CNTNAP5: variants seen among roughly 807,000 people sequenced by gnomAD.
CNTNAP5 encodes contactin-associated protein-like 5.
A neutral mutation model predicts 150.2 loss-of-function variants in CNTNAP5; 72 were observed. The observed-to-expected ratio is 0.48, with a 90% CI of 0.40 to 0.58. The LOEUF is 0.58. Among genes scored for constraint, CNTNAP5 ranks in the 20% least tolerant of loss-of-function variants. The pLI is 0.00. For missense variants in CNTNAP5, 1,636 were observed against 1,626.2 expected, an observed-to-expected ratio of 1.01 and a Z score of -0.10; for synonymous variants, 672 against 619.8, an observed-to-expected ratio of 1.08 and a Z score of -1.25.
At chr2:124,280,150 A>ATATATATACATATATATACG (rs1687978095) in intron 3 of CNTNAP5, among the ~76,000 whole-genome samples, 2 of 151,294 alleles carry the variant, frequency 1.3e-5, no homozygotes, top group Non-Finnish European at 2.9e-5. Context: ...TGATTATTTT[A>ATATATATACATATATATACG]TATATATACA....
intron 1 of CNTNAP5, among the ~76,000 whole-genome samples, chr2:124,178,124 G>C (rs1391368360): frequency 1.3e-5 from 2 of 152,156 alleles, no homozygotes; most frequent in Non-Finnish European, 2.9e-5. Context: ...TGGGATTACA[G>C]ACCTGAGCCA....
intron 3 of CNTNAP5, among the ~76,000 whole-genome samples, chr2:124,361,893 C>A (rs1014195201): frequency 2.1e-5 from 3 of 141,712 alleles, no homozygotes; most frequent in African/African-American, 7.5e-5. Flanking sequence ...CAATGGCGGG[C>A]GCCCCTCCCC....
chr2:124,828,035 A>G (rs17012037), intron 19 of CNTNAP5, among the ~76,000 whole-genome samples: 12,206 of 152,212 alleles, frequency 0.08, 1,602 homozygotes, highest in African/African-American at 0.27. Flanking sequence ...CCAGTGTGCC[A>G]TGGACAGGGA....
chr2:124,280,111 C>A (rs1484043666), intron 3 of CNTNAP5, among the ~76,000 whole-genome samples: 3 of 151,828 alleles, frequency 2.0e-5, no homozygotes, highest in African/African-American at 4.8e-5. Context: ...CCTCTTATTT[C>A]TGTTTAAACA....
intron 19 of CNTNAP5, among the ~76,000 whole-genome samples, chr2:124,825,676 GA>G (rs1682578151): frequency 6.6e-6 from 1 of 152,204 alleles, no homozygotes; most frequent in South Asian, 2.1e-4. Context: ...TTAGGGCCTG[GA>G]AGGGGCTGCT....
In CNTNAP5 at chr2:124,639,298, C is replaced by T. The variant is rs568159416; in HGVS notation, c.1877-8460C>T. On this transcript the variant is annotated intron_variant, in intron 12 of 23. Coordinates refer to ENST00000682447, the MANE Select transcript of CNTNAP5 (RefSeq NM_001367498.1). ...CGTTGGAGAGGCCACCAGCATCACACAATCTCATTCATCTTGTGATGAGCT... is the reference window on the plus strand; with the variant it reads ...CGTTGGAGAGGCCACCAGCATCACATAATCTCATTCATCTTGTGATGAGCT... Among the ~76,000 whole-genome samples the T allele has an allele frequency of 1.1e-4, 17 of 152,298 alleles. No homozygotes were observed. The South Asian group carries it at 3.5e-3, about 32-fold the overall frequency.
chr2:124,580,803 TG>T, intron 11 of CNTNAP5, among the ~76,000 whole-genome samples: 1 of 152,248 alleles, frequency 6.6e-6, no homozygotes, highest in African/African-American at 2.4e-5. Context: ...GCATATGGAG[TG>T]ATTTGCATGA....
At chr2:124,598,806 C>T (rs1431132249) in intron 11 of CNTNAP5, among the ~76,000 whole-genome samples, 3 of 152,322 alleles carry the variant, frequency 2.0e-5, no homozygotes, top group Admixed American at 6.5e-5. Context: ...ATTCCGTGGG[C>T]ATAGGACCCT....
chr2:124,659,671 G>A (rs564996223), intron 13 of CNTNAP5, among the ~76,000 whole-genome samples: 14 of 152,036 alleles, frequency 9.2e-5, no homozygotes, highest in African/African-American at 1.9e-4. Flanking sequence ...CTATGCATGC[G>A]TAGTATGGGG....
intron 11 of CNTNAP5, among the ~76,000 whole-genome samples, chr2:124,573,246 T>C (rs1396360029): frequency 1.3e-5 from 2 of 152,240 alleles, no homozygotes; most frequent in Admixed American, 1.3e-4. Flanking sequence ...ATGCAGGGTG[T>C]ATATTCACCT....
At chr2:124,663,277 G>A (rs950752450) in intron 13 of CNTNAP5, among the ~76,000 whole-genome samples, 1 of 152,136 alleles carries the variant, frequency 6.6e-6, no homozygotes, top group African/African-American at 2.4e-5. Context: ...TTAGACATTC[G>A]CTTGAACTGT....
intron 13 of CNTNAP5, 41 bp from the exon 14 acceptor site, chr2:124,747,187 AG>A (rs763137116): frequency 9.7e-5 from 154 of 1,589,772 alleles, no homozygotes; most frequent in Non-Finnish European, 8.7e-5. Context: ...GTGTTACTTC[AG>A]GCTTGCCCTA....
At chr2:124,616,917 T>C (rs910029685) in intron 12 of CNTNAP5, among the ~76,000 whole-genome samples, 4 of 152,134 alleles carry the variant, frequency 2.6e-5, no homozygotes, top group South Asian at 2.1e-4. Context: ...GTGCAGTTCA[T>C]GATGCCCCAA....
chr2:124,041,442 G>A (rs1473747157), intron 1 of CNTNAP5, among the ~76,000 whole-genome samples: 1 of 149,932 alleles, frequency 6.7e-6, no homozygotes, highest in Non-Finnish European at 1.5e-5. Context: ...CCTAGAAGAA[G>A]CCAAAGACAT....
intron 3 of CNTNAP5, among the ~76,000 whole-genome samples, chr2:124,333,209 T>A (rs1689391264): frequency 6.6e-6 from 1 of 151,990 alleles, no homozygotes; most frequent in Non-Finnish European, 1.5e-5. Context: ...GTTGAAGCTA[T>A]AGTGAGCCGT....
chr2:124,438,365 G>T (rs1692588097), intron 5 of CNTNAP5, among the ~76,000 whole-genome samples: 1 of 152,162 alleles, frequency 6.6e-6, no homozygotes, highest in Non-Finnish European at 1.5e-5. Context: ...TGCAGGTAGA[G>T]AATCAAAGAG....
At chr2:124,640,085 A>G (rs1678059167) in intron 12 of CNTNAP5, among the ~76,000 whole-genome samples, 1 of 152,110 alleles carries the variant, frequency 6.6e-6, no homozygotes, top group South Asian at 2.1e-4. Flanking sequence ...AGTCCCTAAC[A>G]TAGTGCTCTG....
At chr2:124,843,618 T>C (rs1682988954) in intron 19 of CNTNAP5, among the ~76,000 whole-genome samples, 1 of 152,148 alleles carries the variant, frequency 6.6e-6, no homozygotes, top group African/African-American at 2.4e-5. Flanking sequence ...TGGTTTACAT[T>C]CCTACCAACA....
intron 17 of CNTNAP5, among the ~76,000 whole-genome samples, chr2:124,774,136 T>A (rs1436073614): frequency 6.6e-6 from 1 of 152,150 alleles, no homozygotes; most frequent in East Asian, 1.9e-4. Context: ...AGTTCAGATG[T>A]TTAGAACAGT....
Sources: gnomAD v4.1 joint callset for allele counts (sites outside exome capture counted in the v4.1 genomes callset) on GRCh38, gnomAD v4.1.1 for gene constraint, MANE v1.5 for transcripts, NCBI Gene and HGNC (gene_info 2026-07-23, HGNC 2026-07-21) for gene names.